DRC9: variants seen among roughly 807,000 people sequenced by gnomAD.
The protein encoded by DRC9 is dynein regulatory complex protein 9.
the DRC9 span, among the ~76,000 whole-genome samples, chr3:197,916,911 C>T: frequency 6.6e-6 from 1 of 151,616 alleles, no homozygotes; most frequent in Non-Finnish European, 1.5e-5. Flanking sequence ...ACAAAAAAAT[C>T]TCTCATAATG....
At chr3:197,955,235 C>G in the DRC9 span, among the ~76,000 whole-genome samples, 1 of 151,782 alleles carries the variant, frequency 6.6e-6, no homozygotes, top group Non-Finnish European at 1.5e-5. Flanking sequence ...TTAGAAGAAG[C>G]AAAATTAAAT....
the DRC9 span, among the ~76,000 whole-genome samples, chr3:197,941,934 T>C: frequency 1.5e-4 from 23 of 152,224 alleles, no homozygotes; most frequent in African/African-American, 4.8e-4. Context: ...ATTAGCCTCT[T>C]ATTTTAAATG....
chr3:197,951,430 G>C, the DRC9 span: 3 of 1,106,402 alleles, frequency 2.7e-6, no homozygotes, highest in East Asian at 7.2e-5. Flanking sequence ...CTCCCTCACC[G>C]AAACCTCCGC....
the DRC9 span, among the ~76,000 whole-genome samples, chr3:197,933,842 G>A: frequency 6.7e-6 from 1 of 149,642 alleles, no homozygotes; most frequent in African/African-American, 2.5e-5. Flanking sequence ...ATGGAGACTC[G>A]CTCTGTTACC....
At chr3:197,919,069 A>G in the DRC9 span, among the ~76,000 whole-genome samples, 2 of 152,252 alleles carry the variant, frequency 1.3e-5, no homozygotes, top group East Asian at 3.9e-4. Context: ...CGGCCTCCCA[A>G]AGTGCTGGGA....
the DRC9 span, among the ~76,000 whole-genome samples, chr3:197,915,310 C>G: frequency 6.8e-6 from 1 of 147,476 alleles, no homozygotes; most frequent in African/African-American, 2.5e-5. Flanking sequence ...ATTCCAGGAA[C>G]TGAAAGAAAG....
At chr3:197,947,241 A>T in the DRC9 span, among the ~76,000 whole-genome samples, 3 of 152,154 alleles carry the variant, frequency 2.0e-5, no homozygotes, top group Non-Finnish European at 2.9e-5. Context: ...TTTAATTTTT[A>T]AATTTTTTTT....
chr3:197,938,807 G>A, the DRC9 span: 4 of 1,531,996 alleles, frequency 2.6e-6, no homozygotes, highest in Admixed American at 5.2e-5. Flanking sequence ...CAATTAGAAA[G>A]AATTTTTTTA....
At chr3:197,903,716 G>A in the DRC9 span, among the ~76,000 whole-genome samples, 1 of 152,052 alleles carries the variant, frequency 6.6e-6, no homozygotes, top group East Asian at 1.9e-4. Context: ...CAAAGAACTG[G>A]AGAAAATATT....
chr3:197,957,909 G>C, the DRC9 span: 1 of 152,238 alleles, frequency 6.6e-6, no homozygotes, highest in Admixed American at 6.5e-5. Context: ...GCATCTCAAA[G>C]AGGAAATGGC....
At chr3:197,925,994 C>T in the DRC9 span, 2 of 1,133,990 alleles carry the variant, frequency 1.8e-6, no homozygotes, top group African/African-American at 3.0e-5. Flanking sequence ...TTAGCTCGGT[C>T]ACTTTTGGTG....
At chr3:197,951,428 C>G in the DRC9 span, 1 of 1,106,900 alleles carries the variant, frequency 9.0e-7, no homozygotes. Context: ...GTCTCCCTCA[C>G]CGAAACCTCC....
the DRC9 span, chr3:197,889,765 G>A: frequency 1.9e-6 from 3 of 1,603,598 alleles, no homozygotes; most frequent in Non-Finnish European, 8.5e-7. Context: ...CTGACAAGCT[G>A]CATTCTTTCC....
chr3:197,953,850 G>A, the DRC9 span: 2 of 735,680 alleles, frequency 2.7e-6, no homozygotes, highest in Non-Finnish European at 4.9e-6. Flanking sequence ...TACTCGATAA[G>A]TATCTGTTGA....
the DRC9 span, chr3:197,932,119 A>C: frequency 1.9e-6 from 3 of 1,550,974 alleles, no homozygotes; most frequent in East Asian, 7.0e-5. Context: ...TTCCAGTAAG[A>C]GTGTTTTAGC....
chr3:197,937,173 A>C, the DRC9 span, among the ~76,000 whole-genome samples: 1 of 151,380 alleles, frequency 6.6e-6, no homozygotes, highest in African/African-American at 2.4e-5. Flanking sequence ...TGCAGTAAAA[A>C]CTCTCATTTA....
the DRC9 span, chr3:197,913,271 C>G: frequency 5.3e-6 from 1 of 188,676 alleles, no homozygotes; most frequent in Admixed American, 5.4e-5. Flanking sequence ...CAAGGATCCT[C>G]CTGCCTCACT....
At chr3:197,889,247 G>C in the DRC9 span, 1 of 260,952 alleles carries the variant, frequency 3.8e-6, no homozygotes, top group Non-Finnish European at 7.4e-6. Context: ...AATTACTCAA[G>C]TTTCAATGCG....
chr3:197,939,012 A>C, the DRC9 span: 1 of 492,944 alleles, frequency 2.0e-6, no homozygotes, highest in South Asian at 2.7e-5. Flanking sequence ...CTCTGCTCAA[A>C]AGTAAAGTTC....
Sources: allele counts gnomAD v4.1 joint callset (sites outside exome capture counted in the v4.1 genomes callset), GRCh38; gene constraint gnomAD v4.1.1; transcripts MANE v1.5; gene names NCBI Gene and HGNC (gene_info 2026-07-23, HGNC 2026-07-21).